PYURF: variants seen among roughly 807,000 people sequenced by gnomAD.
PYURF encodes the protein protein preY, mitochondrial.
A neutral mutation model predicts 8.0 loss-of-function variants in PYURF; 9 were observed. That is an observed-to-expected ratio of 1.13 (90% CI 0.68 to 1.97). The LOEUF (loss-of-function observed/expected upper bound fraction) is 1.97, where lower values mean the gene tolerates loss of function less well. Among genes scored for constraint, PYURF ranks in the 30% most tolerant of loss-of-function variants. The pLI is 0.00. For missense variants in PYURF, 130 were observed against 158.0 expected (o/e 0.82, Z 0.95); for synonymous variants, 56 against 68.3 (o/e 0.82, Z 0.89).
Position 88,521,398 on chromosome 4 carries a change from G to C in PYURF, c.*490C>G. On this transcript the variant is annotated 3_prime_UTR_variant, in exon 2 of 2. Transcript: ENST00000273968. ...AAGTCAGAGCCTTCAAAAAACAAGG[G>C]CAGAACAAGAGTACAATAAAAGAAG... 1.7e-6 allele frequency: 1 copy of C among 594,708 alleles called. No individual in the cohort carries two copies. Among genetic ancestry groups the C allele is most frequent in the East Asian group, 2.8e-5 (1 of 35,690 alleles). The allele number at this position is 594,708 out of a possible 1,614,324, so 36.8% of individuals were successfully genotyped here.
chr4:88,522,065 G>C, intron 1 of PYURF, 36 bp from the exon 2 acceptor site: 1 of 1,508,460 alleles, frequency 6.6e-7, no homozygotes, highest in Non-Finnish European at 8.9e-7. Context: ...ATGAGTTGTG[G>C]GAAAATAAAA....
At chr4:88,522,393 C>T (rs1742402755) in intron 1 of PYURF, among the ~76,000 whole-genome samples, 1 of 152,088 alleles carries the variant, frequency 6.6e-6, no homozygotes, top group Non-Finnish European at 1.5e-5. Flanking sequence ...CTGGAATAAA[C>T]ACTAGAGAAA....
intron 1 of PYURF, among the ~76,000 whole-genome samples, chr4:88,522,846 T>C (rs1230128829): frequency 1.3e-5 from 2 of 152,196 alleles, no homozygotes; most frequent in South Asian, 2.1e-4. Context: ...CAGGCACCAG[T>C]TGTACAAGAC....
Position 88,521,449 on chromosome 4 carries a change from T to C in PYURF, c.*439A>G. On this transcript the variant is annotated 3_prime_UTR_variant, in exon 2 of 2. Coordinates refer to ENST00000273968, the MANE Select transcript of PYURF (RefSeq NM_032906.5). ...CATCTGCAACTTAAGCCTCCCACAG[T>C]CCTAAGCCTGATATGCGCAAAGCAA... 1 of 848,670 alleles carries C rather than the reference T, an allele frequency of 1.2e-6. No individual in the cohort carries two copies. The highest frequency in any genetic ancestry group is 1.8e-6 in the Non-Finnish European group (1 of 543,556). The allele number at this position is 848,670 out of a possible 1,614,324, so 52.6% of individuals were successfully genotyped here.
intron 1 of PYURF, among the ~76,000 whole-genome samples, chr4:88,523,154 G>A (rs1742437040): frequency 6.6e-6 from 1 of 152,000 alleles, no homozygotes; most frequent in South Asian, 2.1e-4. Context: ...GTCCCATCCC[G>A]CGAGCATTCC....
In PYURF at chr4:88,523,719, C is replaced by CAGGCCTCACCGCAGCCT; in HGVS notation, c.-36_-20dup. 7.0e-7 allele frequency: 1 copy of CAGGCCTCACCGCAGCCT among 1,429,888 alleles called. No homozygotes were observed. Among genetic ancestry groups the CAGGCCTCACCGCAGCCT allele is most frequent in the Non-Finnish European group, 9.1e-7 (1 of 1,099,634 alleles). The allele number at this position is 1,429,888 out of a possible 1,614,324, so 88.6% of individuals were successfully genotyped here. A position where few individuals can be genotyped will look rare whatever the true frequency, so the allele number is the denominator to read the frequency against. The stretch of plus-strand genomic sequence containing the variant: ...TCAGCATGGTCTGGCAGCCGGAGAC[C>CAGGCCTCACCGCAGCCT]AGGCCTCACCGCAGCCTCGCCACCC... On this transcript the variant is annotated 5_prime_UTR_variant, in exon 1 of 2. Transcript: ENST00000273968.
intron 1 of PYURF, among the ~76,000 whole-genome samples, chr4:88,523,174 C>T (rs1454836336): frequency 2.0e-5 from 3 of 152,142 alleles, no homozygotes; most frequent in Non-Finnish European, 4.4e-5. Flanking sequence ...CAAGTCTGCC[C>T]GTCTTGGGGG....
rs377319067 is a variant in PYURF, at chr4:88,521,776, A to G, written c.*112T>C. 1.9e-6 allele frequency: 3 copies of G among 1,611,870 alleles called. No homozygotes were observed. Among genetic ancestry groups the G allele is most frequent in the African/African-American group, 2.7e-5 (2 of 74,902 alleles). ...TGGAATAAGAACAGTCAACGTAGGA[A>G]GAGACAGAAACATTCTTCTCTTCCA... On this transcript the variant is annotated 3_prime_UTR_variant, in exon 2 of 2. Coordinates refer to ENST00000273968, the MANE Select transcript of PYURF (RefSeq NM_032906.5).
At chr4:88,522,919 G>C (rs896047357) in intron 1 of PYURF, among the ~76,000 whole-genome samples, 7 of 152,152 alleles carry the variant, frequency 4.6e-5, no homozygotes, top group African/African-American at 9.7e-5. Flanking sequence ...AAAACCGGAA[G>C]GCTTCGGACT....
At chr4:88,522,213 A>T (rs1410121363) in intron 1 of PYURF, among the ~76,000 whole-genome samples, 184 bp from the exon 2 acceptor site, 1 of 152,198 alleles carries the variant, frequency 6.6e-6, no homozygotes, top group African/African-American at 2.4e-5. Flanking sequence ...ATTCTCTTAC[A>T]ATCTATAATT....
chr4:88,521,465 CGCAAA>C lies in PYURF; in HGVS notation c.*418_*422del. On this transcript the variant is annotated 3_prime_UTR_variant, in exon 2 of 2. Transcript: ENST00000273968. ...CTCCCACAGTCCTAAGCCTGATATG[CGCAAA>C]GCAAAGCCTCTTTCCCGCAAACTAA... 1.0e-6 allele frequency: 1 copy of C among 994,924 alleles called. No individual in the cohort carries two copies. The highest frequency in any genetic ancestry group is 1.5e-6 in the Non-Finnish European group (1 of 668,796). The allele number at this position is 994,924 out of a possible 1,614,324, so 61.6% of individuals were successfully genotyped here. A position where few individuals can be genotyped will look rare whatever the true frequency, so the allele number is the denominator to read the frequency against.
Position 88,523,487 on chromosome 4 carries a change from CAGCGAGTTACCTGAG to C in PYURF, c.199_203+10del. On this transcript the variant is annotated splice_donor_variant and splice_donor_5th_base_variant and coding_sequence_variant and intron_variant, in exon 1 of 2. Coordinates refer to ENST00000273968, the MANE Select transcript of PYURF (RefSeq NM_032906.5). LOFTEE classifies it high-confidence loss of function. Reference sequence around the variant, plus strand: ...GAGGCTGCAAAGGAAGGGCCAAGGCCAGCGAGTTACCTGAGCGGCTTCTTGGAGAGCGGGCACACC... The same window carrying C: ...GAGGCTGCAAAGGAAGGGCCAAGGCCCGGCTTCTTGGAGAGCGGGCACACC... 1 of 1,551,232 alleles carries C rather than the reference CAGCGAGTTACCTGAG, an allele frequency of 6.4e-7. No individual in the cohort carries two copies. Among genetic ancestry groups the C allele is most frequent in the Non-Finnish European group, 8.7e-7 (1 of 1,146,842 alleles).
At chr4:88,522,714 T>G (rs1742414805) in intron 1 of PYURF, among the ~76,000 whole-genome samples, 1 of 152,200 alleles carries the variant, frequency 6.6e-6, no homozygotes, top group East Asian at 1.9e-4. Flanking sequence ...TATTCAATTT[T>G]GGTAGCTTGG....
intron 1 of PYURF, among the ~76,000 whole-genome samples, chr4:88,522,439 G>GAGA (rs968977566): frequency 5.9e-5 from 9 of 152,176 alleles, no homozygotes; most frequent in African/African-American, 2.2e-4. Context: ...ATGCTAAGTA[G>GAGA]AGAAACTTAA....
chr4:88,521,768 A>G lies in PYURF; in HGVS notation c.*120T>C. On this transcript the variant is annotated 3_prime_UTR_variant, in exon 2 of 2. Transcript: ENST00000273968. ...GAAACCAGTGGAATAAGAACAGTCA[A>G]CGTAGGAAGAGACAGAAACATTCTT... The G allele has an allele frequency of 2.5e-6, 4 of 1,612,704 alleles. No homozygotes were observed. In the South Asian group the frequency reaches 3.3e-5, roughly 13 times the overall value.
At chr4:88,522,063 TG>T in intron 1 of PYURF, 34 bp from the exon 2 acceptor site, 1 of 1,511,576 alleles carries the variant, frequency 6.6e-7, no homozygotes, top group Non-Finnish European at 8.8e-7. Flanking sequence ...AAATGAGTTG[TG>T]GGAAAATAAA....
Position 88,523,613 on chromosome 4 carries a change from C to T in PYURF, c.88G>A (p.Ala30Thr), listed in dbSNP as rs1356874374. The T allele has an allele frequency of 1.9e-6, 3 of 1,548,372 alleles. No individual in the cohort carries two copies. Among genetic ancestry groups the T allele is most frequent in the South Asian group, 2.4e-5 (2 of 83,980 alleles). The stretch of plus-strand genomic sequence containing the variant: ...TCGGCCAAAGGCCGCGACCCCGACG[C>T]GTGCAGGCACCTACGGGCGACCGCG... The part of the protein sequence containing the change: ...PSAVARRCLH[A>T]SGSRPLADRG... The change falls in exon 1 of 2, where the codon GCG becomes ACG. Residue 30 changes from alanine (A) to threonine (T), a missense_variant. Ala to Thr is a moderately conservative substitution (Grantham distance 58). Transcript: ENST00000273968.
intron 1 of PYURF, 89 bp from the exon 2 acceptor site, chr4:88,522,118 AATTTTT>A: frequency 1.6e-6 from 2 of 1,248,720 alleles, no homozygotes; most frequent in Non-Finnish European, 2.2e-6. Flanking sequence ...CCATTTATCC[AATTTTT>A]GGTACGGAGT....
intron 1 of PYURF, among the ~76,000 whole-genome samples, chr4:88,522,891 TTTCA>T (rs1195605197): frequency 1.3e-5 from 2 of 152,184 alleles, no homozygotes; most frequent in Admixed American, 1.3e-4. Flanking sequence ...CAACAATACT[TTTCA>T]TTATCTTGGC....
Sources: allele counts gnomAD v4.1 joint callset (sites outside exome capture counted in the v4.1 genomes callset), GRCh38; gene constraint gnomAD v4.1.1; transcripts MANE v1.5; gene names NCBI Gene and HGNC (gene_info 2026-07-23, HGNC 2026-07-21).